The following UBE4B variants were observed in gnomAD, a reference collection of about 807,000 sequenced individuals.
UBE4B encodes the protein ubiquitin conjugation factor E4 B.
In UBE4B, 27 loss-of-function variants were observed where a neutral mutation model predicts 148.1. The observed-to-expected ratio is 0.18, with a 90% CI of 0.13 to 0.25. The LOEUF is 0.25. Among genes scored for constraint, UBE4B ranks in the 10% least tolerant of loss-of-function variants. The probability of loss-of-function intolerance (pLI) is 1.00; values close to 1 mark genes in which losing one functional copy is unlikely to be tolerated. For synonymous variants in UBE4B, 596 were observed against 619.3 expected, an observed-to-expected ratio of 0.96 and a Z score of 0.56; for missense variants, 1,170 against 1,662.4, an observed-to-expected ratio of 0.70 and a Z score of 5.15.
At chr1:10,174,804 G>C (rs527471512) in intron 25 of UBE4B, among the ~76,000 whole-genome samples, 2 of 152,200 alleles carry the variant, frequency 1.3e-5, no homozygotes, top group African/African-American at 4.8e-5. Context: ...AGCTGATTAG[G>C]GGCCTGCTTA....
intron 7 of UBE4B, among the ~76,000 whole-genome samples, chr1:10,108,146 G>GGTAGGT (rs1557560275): frequency 6.7e-6 from 1 of 148,690 alleles, no homozygotes; most frequent in Non-Finnish European, 1.5e-5. Context: ...ATTTGGGGGA[G>GGTAGGT]GTGTGTGTGT....
At chr1:10,050,184 G>A (rs893353686) in intron 1 of UBE4B, among the ~76,000 whole-genome samples, 5 of 152,104 alleles carry the variant, frequency 3.3e-5, no homozygotes, top group Non-Finnish European at 7.3e-5. Context: ...CAATTCTCCT[G>A]CCTCAGCCTC....
At chr1:10,072,738 T>C in intron 2 of UBE4B, 1 of 412,146 alleles carries the variant, frequency 2.4e-6, no homozygotes. Flanking sequence ...TGATGCTTGA[T>C]ATCCAGGACT....
chr1:10,115,854 T>C (rs1250692208), intron 7 of UBE4B, among the ~76,000 whole-genome samples: 3 of 152,238 alleles, frequency 2.0e-5, no homozygotes, highest in Non-Finnish European at 4.4e-5. Flanking sequence ...TAGATGCTTA[T>C]GCCAATTATG....
At chr1:10,126,037 A>G (rs1317424336) in intron 10 of UBE4B, among the ~76,000 whole-genome samples, 1 of 152,228 alleles carries the variant, frequency 6.6e-6, no homozygotes, top group African/African-American at 2.4e-5. Flanking sequence ...GCGGTAGCTC[A>G]TGCCTGTGAT....
intron 1 of UBE4B, among the ~76,000 whole-genome samples, chr1:10,044,838 C>T (rs952790983): frequency 6.6e-6 from 1 of 152,154 alleles, no homozygotes; most frequent in Admixed American, 6.6e-5. Context: ...CCACCTCAGC[C>T]TCTCAAAGTG....
chr1:10,045,115 A>G (rs1036805317), intron 1 of UBE4B, among the ~76,000 whole-genome samples: 1 of 152,146 alleles, frequency 6.6e-6, no homozygotes, highest in Non-Finnish European at 1.5e-5. Context: ...TCCCATTCGA[A>G]TCTAATGCCA....
chr1:10,179,789 G>A (rs1412607968), intron 27 of UBE4B, 106 bp from the exon 28 acceptor site: 37 of 1,465,998 alleles, frequency 2.5e-5, no homozygotes, highest in Non-Finnish European at 3.2e-5. Context: ...GGCTCAATGA[G>A]GGAAAGAATG....
intron 19 of UBE4B, 69 bp from the exon 20 acceptor site, chr1:10,149,115 G>C: frequency 8.9e-7 from 1 of 1,118,386 alleles, no homozygotes; most frequent in East Asian, 2.4e-5. Context: ...CGATGGTAAT[G>C]TAATACTCCT....
chr1:10,089,053 C>A (rs567300829), intron 2 of UBE4B, among the ~76,000 whole-genome samples: 3 of 152,234 alleles, frequency 2.0e-5, no homozygotes, highest in African/African-American at 7.2e-5. Context: ...ATGGCCCAGG[C>A]TGGAGTGCAG....
chr1:10,062,607 G>A lies in UBE4B; in HGVS notation c.25-9421G>A, dbSNP rs543472634. On this transcript the variant is annotated intron_variant, in intron 1 of 27. Coordinates refer to ENST00000343090, the MANE Select transcript of UBE4B (RefSeq NM_001105562.3). ...GGCTGCAGGCGTAAGCCGCTGTACC[G>A]GCCGCCTTAATGCATTTTTTGTTAA... Among the ~76,000 whole-genome samples the A allele has an allele frequency of 4.6e-5, 7 of 151,966 alleles. No individual in the cohort carries two copies. In the South Asian group the frequency reaches 1.3e-3, roughly 27 times the overall value.
Position 10,137,198 on chromosome 1 carries a change from C to T in UBE4B, c.2356C>T (p.Leu786Phe). 1.2e-6 allele frequency: 2 copies of T among 1,614,058 alleles called. No homozygotes were observed. The highest frequency in any genetic ancestry group is 1.7e-6 in the Non-Finnish European group (2 of 1,179,988). The change falls in exon 17 of 28, where the codon CTC becomes TTC. Residue 786 changes from leucine (L) to phenylalanine (F), a missense_variant. By Grantham distance (22) the Leu-to-Phe change is conservative (BLOSUM62 0). This residue lies in a region of UBE4B where 388 missense variants were observed against 536.0 expected (regional missense o/e 0.72). Transcript: ENST00000343090. ...YIRRLRAIRELNRTVEDLKNN... is the reference protein window; with the variant it reads ...YIRRLRAIREFNRTVEDLKNN... ...CCGCAGACTCCGGGCTATCCGGGAG[C>T]TCAATAGGTATGTGCCATGATACCG...
intron 2 of UBE4B, chr1:10,072,893 G>A (rs77727478): frequency 6.4e-6 from 1 of 155,394 alleles, no homozygotes; most frequent in Admixed American, 6.5e-5. Flanking sequence ...CGTAAAGGGG[G>A]TGCTAAGAGA....
intron 26 of UBE4B, 66 bp downstream of exon 26, chr1:10,178,884 G>A: frequency 6.7e-7 from 1 of 1,497,664 alleles, no homozygotes; most frequent in Non-Finnish European, 8.9e-7. Flanking sequence ...AACATTACAA[G>A]AGGACGTCCT....
chr1:10,103,638 T>G (rs60085278), intron 5 of UBE4B, among the ~76,000 whole-genome samples: 6,716 of 147,034 alleles, frequency 0.046, 390 homozygotes, highest in East Asian at 0.18. Flanking sequence ...TTTTGTTTTT[T>G]TTTTTTTTTT....
intron 18 of UBE4B, 90 bp from the exon 19 acceptor site, chr1:10,146,873 C>A: frequency 6.6e-7 from 1 of 1,507,108 alleles, no homozygotes; most frequent in Middle Eastern, 1.8e-4. Flanking sequence ...ACCCAAATTT[C>A]CCATCTCCTG....
At position 10,115,542 on chromosome 1, in the gene UBE4B, G is replaced by A. The variant is rs1329010124; in HGVS notation, c.1197-1917G>A. Among the ~76,000 whole-genome samples, 7 of 152,208 alleles carry A rather than the reference G, an allele frequency of 4.6e-5. No individual in the cohort carries two copies. The East Asian group carries it at 1.3e-3, about 29-fold the overall frequency. ...CTACCTTAGCCTCCCAAAGTGCTGG[G>A]ATTACAGGCTTGAGCCACCGCGTTT... On this transcript the variant is annotated intron_variant, in intron 7 of 27. Transcript: ENST00000343090.
At chr1:10,060,113 G>T (rs1269076534) in intron 1 of UBE4B, among the ~76,000 whole-genome samples, 1 of 151,884 alleles carries the variant, frequency 6.6e-6, no homozygotes, top group Non-Finnish European at 1.5e-5. Context: ...AAGGTTGGGG[G>T]TAGATGAATG....
rs145174224 is a variant in UBE4B at position 10,105,667 on chromosome 1, G to A, written c.732G>A (p.Leu244=). ...AAARSPDRNL[L]LNTGSNPGTS... ...CACGGTCACCAGACAGAAATCTCTTGCTAAACACTGGCTCCAATCCAGGAA... is the reference window on the plus strand; with the variant it reads ...CACGGTCACCAGACAGAAATCTCTTACTAAACACTGGCTCCAATCCAGGAA... The change falls in exon 6 of 28, where the codon TTG becomes TTA. Residue 244 remains leucine (L), a synonymous_variant. Coordinates refer to ENST00000343090, the MANE Select transcript of UBE4B (RefSeq NM_001105562.3). The A allele has an allele frequency of 2.5e-6, 4 of 1,614,090 alleles. No homozygotes were observed. Among genetic ancestry groups the A allele is most frequent in the South Asian group, 1.1e-5 (1 of 91,082 alleles).
Sources: allele counts gnomAD v4.1 joint callset (sites outside exome capture counted in the v4.1 genomes callset), GRCh38; gene constraint gnomAD v4.1.1; regional missense constraint gnomAD v4.1.1; transcripts MANE v1.5; gene names NCBI Gene and HGNC (gene_info 2026-07-23, HGNC 2026-07-21).